SETBP1: variants seen among roughly 807,000 people sequenced by gnomAD.
SETBP1 encodes SET binding protein 1.
In SETBP1, 9 loss-of-function variants were observed where a neutral mutation model predicts 101.0. That is an observed-to-expected ratio of 0.09 (90% CI 0.05 to 0.16). The LOEUF (loss-of-function observed/expected upper bound fraction) is 0.16, where lower values mean the gene tolerates loss of function less well. Among genes scored for constraint, SETBP1 ranks in the 10% least tolerant of loss-of-function variants. The pLI, the probability that SETBP1 is intolerant of heterozygous loss-of-function variation, is 1.00. For synonymous variants in SETBP1, 818 were observed against 788.5 expected (o/e 1.04, Z -0.63); for missense variants, 1,858 against 2,033.8 (o/e 0.91, Z 1.66).
chr18:44,701,397 A>G lies in SETBP1; in HGVS notation c.51A>G (p.Ser17=). The G allele has an allele frequency of 6.4e-7, 1 of 1,562,654 alleles. No individual in the cohort carries two copies. Among genetic ancestry groups the G allele is most frequent in the Non-Finnish European group, 8.7e-7 (1 of 1,152,096 alleles). Residue 17 remains serine, a synonymous_variant, in exon 2 of 6, where the codon TCA becomes TCG. Coordinates refer to ENST00000649279, the MANE Select transcript of SETBP1 (RefSeq NM_015559.3). ...LSSSRQRGGE[S]DFLPVSSAKP... is the part of the protein sequence containing the mutation. ...GCTCCCGGCAAAGAGGGGGCGAGTCAGACTTCCTGCCGGTCTCCTCAGCCA... is the reference window on the plus strand; with the variant it reads ...GCTCCCGGCAAAGAGGGGGCGAGTCGGACTTCCTGCCGGTCTCCTCAGCCA...
At chr18:44,856,355 A>G (rs2072977132) in intron 2 of SETBP1, among the ~76,000 whole-genome samples, 1 of 152,122 alleles carries the variant, frequency 6.6e-6, no homozygotes, top group African/African-American at 2.4e-5. Flanking sequence ...CCATGCTAAG[A>G]CTTCTAAAGC....
At chr18:44,901,898 A>G (rs1371577506) in intron 3 of SETBP1, among the ~76,000 whole-genome samples, 1 of 152,182 alleles carries the variant, frequency 6.6e-6, no homozygotes, top group African/African-American at 2.4e-5. Context: ...ACCAGTATAT[A>G]TTTTAACACA....
At chr18:45,006,843 G>A (rs532082556) in intron 4 of SETBP1, among the ~76,000 whole-genome samples, 2 of 152,274 alleles carry the variant, frequency 1.3e-5, no homozygotes, top group East Asian at 3.9e-4. Context: ...AAGGTCTCAA[G>A]AAGAGGAATT....
intron 2 of SETBP1, among the ~76,000 whole-genome samples, chr18:44,754,501 T>A (rs1415348934): frequency 2.6e-5 from 4 of 152,246 alleles, no homozygotes; most frequent in African/African-American, 7.2e-5. Context: ...GAATTTTTTT[T>A]AAATGTCTTA....
At chr18:44,900,210 C>A (rs2070010011) in intron 3 of SETBP1, among the ~76,000 whole-genome samples, 1 of 152,184 alleles carries the variant, frequency 6.6e-6, no homozygotes, top group Non-Finnish European at 1.5e-5. Flanking sequence ...GTTCTCAGGT[C>A]TTCCCCCTGA....
chr18:44,826,419 TTCTC>T (rs1321798185), intron 2 of SETBP1, among the ~76,000 whole-genome samples: 1 of 152,156 alleles, frequency 6.6e-6, no homozygotes, highest in African/African-American at 2.4e-5. Context: ...CTTTCTTTTT[TTCTC>T]TCTCAAAAGA....
intron 5 of SETBP1, among the ~76,000 whole-genome samples, chr18:45,052,830 G>T (rs984946571): frequency 2.0e-5 from 3 of 152,150 alleles, no homozygotes; most frequent in Admixed American, 6.5e-5. Context: ...CAGCCCAGAG[G>T]TAGTTAAAAG....
At chr18:45,038,419 G>T (rs1235067760) in intron 4 of SETBP1, 66 bp from the exon 5 acceptor site, 9 of 1,410,746 alleles carry the variant, frequency 6.4e-6, no homozygotes, top group Non-Finnish European at 8.0e-6. Flanking sequence ...TCATGTCCAG[G>T]TTACATGTTG....
chr18:44,843,460 G>A (rs1177459659), intron 2 of SETBP1, among the ~76,000 whole-genome samples: 1 of 152,232 alleles, frequency 6.6e-6, no homozygotes, highest in East Asian at 1.9e-4. Context: ...TGAACGTGCA[G>A]CCTCTCTCCT....
chr18:44,756,966 C>T (rs1395907122), intron 2 of SETBP1, among the ~76,000 whole-genome samples: 2 of 152,204 alleles, frequency 1.3e-5, no homozygotes, highest in South Asian at 2.1e-4. Context: ...ACAAATGTGG[C>T]ATTTTGGTGC....
intron 4 of SETBP1, among the ~76,000 whole-genome samples, chr18:45,006,361 A>G (rs1254521684): frequency 6.6e-6 from 1 of 152,084 alleles, no homozygotes; most frequent in African/African-American, 2.4e-5. Context: ...GTTCGTTCAG[A>G]GTCTTTGCAA....
intron 5 of SETBP1, among the ~76,000 whole-genome samples, chr18:45,054,242 C>T (rs1599500516): frequency 6.6e-6 from 1 of 151,814 alleles, no homozygotes; most frequent in Admixed American, 6.6e-5. Flanking sequence ...GGCTGGAGTA[C>T]AGTGGCACAA....
intron 2 of SETBP1, among the ~76,000 whole-genome samples, chr18:44,765,780 G>A (rs7227026): frequency 0.83 from 125,851 of 152,178 alleles, 52,118 homozygotes; most frequent in Admixed American, 0.87. Context: ...CAGAGTGAAA[G>A]TAAAAGGAAG....
chr18:45,023,472 G>A (rs370560667), intron 4 of SETBP1, among the ~76,000 whole-genome samples: 1 of 152,188 alleles, frequency 6.6e-6, no homozygotes, highest in East Asian at 1.9e-4. Flanking sequence ...TGTATTCACA[G>A]TAGGCACTGA....
chr18:44,689,597 G>A (rs763689208), intron 1 of SETBP1, among the ~76,000 whole-genome samples: 22 of 152,204 alleles, frequency 1.4e-4, no homozygotes, highest in Admixed American at 3.3e-4. Context: ...GGGAGGAGTA[G>A]CAGCAGCCAG....
Position 44,952,132 on chromosome 18 carries a change from A to G in SETBP1, c.2792A>G (p.Glu931Gly), listed in dbSNP as rs1181743972. 2 of 1,614,194 alleles carry G rather than the reference A, an allele frequency of 1.2e-6. No individual in the cohort carries two copies. The highest frequency in any genetic ancestry group is 1.7e-6 in the Non-Finnish European group (2 of 1,180,034). Residue 931 changes from glutamate (E) to glycine (G), a missense_variant, in exon 4 of 6, where the codon GAA (glutamate) becomes GGA (glycine). Coordinates refer to ENST00000649279, the MANE Select transcript of SETBP1 (RefSeq NM_015559.3). ...ATTGTGGACAACTTTCTGGCCCACG[A>G]AAGCCTCAAGAAGCCAAAGCACAAG... is the stretch of plus-strand genomic sequence containing the variant. ...HLIVDNFLAH[E>G]SLKKPKHKRK...
chr18:44,876,801 T>C (rs1430415612), intron 3 of SETBP1: 1 of 1,446,866 alleles, frequency 6.9e-7, no homozygotes, highest in Admixed American at 2.7e-5. Context: ...TTCCCTGTTC[T>C]TTCCATTCAA....
intron 4 of SETBP1, among the ~76,000 whole-genome samples, chr18:44,973,193 A>T (rs996629957): frequency 6.6e-6 from 1 of 152,138 alleles, no homozygotes; most frequent in African/African-American, 2.4e-5. Flanking sequence ...TGATTTGCAT[A>T]TGTTGAACCA....
At position 44,714,001 on chromosome 18, in the gene SETBP1, C is replaced by T. The variant is rs141356835; in HGVS notation, c.486+12169C>T. On this transcript the variant is annotated intron_variant, in intron 2 of 5. Coordinates refer to ENST00000649279, the MANE Select transcript of SETBP1 (RefSeq NM_015559.3). ...AGATACATCTCTAGATGGCTATCTG[C>T]CTTCTCCGAACCTGGTTTCTCATTT... is the stretch of plus-strand genomic sequence containing the variant. Among the ~76,000 whole-genome samples, 199 of 152,242 alleles carry T rather than the reference C, an allele frequency of 1.3e-3. 2 individuals are homozygous for T. In the Middle Eastern group the frequency reaches 0.014, roughly 10 times the overall value.
Sources: gnomAD v4.1 joint callset for allele counts (sites outside exome capture counted in the v4.1 genomes callset) on GRCh38, gnomAD v4.1.1 for gene constraint, MANE v1.5 for transcripts, NCBI Gene and HGNC (gene_info 2026-07-23, HGNC 2026-07-21) for gene names.